TXNDC11: variants seen among roughly 807,000 people sequenced by gnomAD.
TXNDC11 encodes the protein thioredoxin domain containing 11.
A neutral mutation model predicts 78.0 loss-of-function variants in TXNDC11; 68 were observed. The ratio of observed to expected loss-of-function variants is 0.87; its 90% CI spans 0.72 to 1.07. TXNDC11 has a LOEUF of 1.07. Among genes scored for constraint, TXNDC11 ranks in the 50% least tolerant of loss-of-function variants. The pLI is 0.00. For synonymous variants in TXNDC11, 571 were observed against 495.2 expected (o/e 1.15, Z -2.03); for missense variants, 1,389 against 1,221.8 (o/e 1.14, Z -2.04).
chr16:11,679,241 C>T lies in TXNDC11; in HGVS notation c.2831G>A (p.Ser944Asn). The T allele has an allele frequency of 6.2e-7, 1 of 1,613,658 alleles. No individual in the cohort carries two copies. The highest frequency in any genetic ancestry group is 1.3e-5 in the African/African-American group (1 of 75,048). ...PGSSPPPANV[S>N]ATLVSERNKE... Reference sequence around the variant, plus strand: ...ATTCCTTTCAGACACCAGTGTGGCGCTGACATTGGCAGGTGGAGGGGAGCT... The same window carrying T: ...ATTCCTTTCAGACACCAGTGTGGCGTTGACATTGGCAGGTGGAGGGGAGCT... The change falls in exon 12 of 12, where the codon AGC becomes AAC. Residue 944 changes from serine to asparagine, a missense_variant. By Grantham distance (46) the Ser-to-Asn change is conservative. Coordinates refer to ENST00000283033, the MANE Select transcript of TXNDC11 (RefSeq NM_015914.7). The surrounding 1 kb of genome is among the most constrained non-coding windows in gnomAD (Gnocchi z 4.6).
rs144296098 is a variant in TXNDC11 at position 11,692,030 on chromosome 16, T to A, written c.1160A>T (p.Glu387Val). The A allele has an allele frequency of 9.0e-5, 139 of 1,552,778 alleles. No homozygotes were observed. In the African/African-American group the frequency reaches 1.7e-3, roughly 19 times the overall value. ...YNNCHGDQVV[E>V]RLLQHLRRVD... ...CCGCCGCAGGTGCTGAAGGAGACGC[T>A]CCACCACCTGGTCCCCATGACAGTT... The change falls in exon 8 of 12, where the codon GAG becomes GTG. Residue 387 changes from glutamate to valine, a missense_variant. By Grantham distance (121) the Glu-to-Val change is moderately radical. Coordinates refer to ENST00000283033, the MANE Select transcript of TXNDC11 (RefSeq NM_015914.7).
At chr16:11,686,579 T>A (rs963226719) in intron 10 of TXNDC11, among the ~76,000 whole-genome samples, 1 of 152,370 alleles carries the variant, frequency 6.6e-6, no homozygotes, top group Non-Finnish European at 1.5e-5. Context: ...ATTAGATACA[T>A]CTGACTGCAG....
intron 3 of TXNDC11, among the ~76,000 whole-genome samples, chr16:11,731,321 G>T (rs1484597035): frequency 1.3e-5 from 2 of 152,228 alleles, no homozygotes; most frequent in Non-Finnish European, 2.9e-5. Flanking sequence ...AACAAATTAT[G>T]TGAAGGTCTG....
intron 7 of TXNDC11, among the ~76,000 whole-genome samples, chr16:11,695,975 G>A (rs1324963088): frequency 2.0e-5 from 3 of 151,092 alleles, no homozygotes; most frequent in Admixed American, 1.3e-4. Context: ...GCAGTGAGCC[G>A]AGATCATGCC....
At chr16:11,725,101 G>C (rs1378437909) in intron 4 of TXNDC11, among the ~76,000 whole-genome samples, 1 of 152,064 alleles carries the variant, frequency 6.6e-6, no homozygotes, top group Non-Finnish European at 1.5e-5. Flanking sequence ...CTCCCTTTAT[G>C]GGATCTCCTG....
intron 5 of TXNDC11, among the ~76,000 whole-genome samples, chr16:11,709,094 T>C (rs1407405393): frequency 1.3e-5 from 2 of 152,132 alleles, no homozygotes; most frequent in Non-Finnish European, 2.9e-5. Context: ...TTACTTGCAT[T>C]TTCCCCCTAG....
At chr16:11,681,623 TC>T (rs1392300722) in intron 11 of TXNDC11, among the ~76,000 whole-genome samples, 4 of 151,996 alleles carry the variant, frequency 2.6e-5, no homozygotes, top group East Asian at 3.9e-4. Flanking sequence ...CTGTGATTCT[TC>T]CCCTGGGACA....
intron 4 of TXNDC11, among the ~76,000 whole-genome samples, chr16:11,722,811 A>G (rs2051749171): frequency 6.6e-6 from 1 of 152,244 alleles, no homozygotes; most frequent in South Asian, 2.1e-4. Flanking sequence ...TTTGGTGGAA[A>G]TTTGATCTGT....
chr16:11,702,152 A>G (rs1386640243), intron 5 of TXNDC11, among the ~76,000 whole-genome samples: 1 of 151,972 alleles, frequency 6.6e-6, no homozygotes, highest in Non-Finnish European at 1.5e-5. Flanking sequence ...AGAAATGTAT[A>G]AAGAATCTAA....
rs2050717277 is a variant in TXNDC11, at chr16:11,691,621, T to C, written c.1569A>G (p.Glu523=). The change falls in exon 8 of 12, where the codon GAA becomes GAG. Residue 523 remains glutamate (E), a synonymous_variant. Transcript: ENST00000283033. The stretch of plus-strand genomic sequence containing the variant: ...CAGTAGGGGCTTCAAAGACACCTTG[T>C]TCAGAGTCGATGAAGCCTGACACAC... The part of the protein sequence containing the change: ...SRGVSGFIDS[E]QGVFEAPTVA... 1 of 1,614,214 alleles carries C rather than the reference T, an allele frequency of 6.2e-7. No homozygotes were observed. The highest frequency in any genetic ancestry group is 1.7e-5 in the Admixed American group (1 of 60,028).
intron 10 of TXNDC11, among the ~76,000 whole-genome samples, chr16:11,686,406 A>G (rs976105494): frequency 2.6e-5 from 4 of 152,240 alleles, no homozygotes; most frequent in African/African-American, 9.6e-5. Flanking sequence ...TGGTGGATGT[A>G]AACAATGCTA....
intron 1 of TXNDC11, among the ~76,000 whole-genome samples, chr16:11,741,069 G>C (rs957899106): frequency 6.6e-6 from 1 of 152,100 alleles, no homozygotes; most frequent in Non-Finnish European, 1.5e-5. Flanking sequence ...CCACAACACA[G>C]AATTATCTGA....
chr16:11,698,440 G>A (rs561313330), intron 6 of TXNDC11, 115 bp from the exon 7 acceptor site: 8 of 847,798 alleles, frequency 9.4e-6, no homozygotes, highest in African/African-American at 6.8e-5. Flanking sequence ...CAGGCGTGGA[G>A]CGGGGCCTGG....
At chr16:11,688,791 C>CTAT (rs2050634455) in intron 8 of TXNDC11, among the ~76,000 whole-genome samples, 1 of 152,182 alleles carries the variant, frequency 6.6e-6, no homozygotes, top group Non-Finnish European at 1.5e-5. Context: ...AAATTTCACC[C>CTAT]TATAATACTA....
At position 11,691,414 on chromosome 16, in the gene TXNDC11, T is replaced by C; in HGVS notation, c.1776A>G (p.Leu592=). ...IYLLDSNLFW[L]YAERLGAPSS... is the part of the protein sequence containing the mutation. ...TCGGAGCACCCAGTCTCTCTGCATA[T>C]AACCAAAACAAATTTGAATCCAAAA... Residue 592 remains leucine, a synonymous_variant, in exon 8 of 12, where the codon TTA becomes TTG. Coordinates refer to ENST00000283033, the MANE Select transcript of TXNDC11 (RefSeq NM_015914.7). 4 of 1,614,210 alleles carry C rather than the reference T, an allele frequency of 2.5e-6. No individual in the cohort carries two copies. Among genetic ancestry groups the C allele is most frequent in the Non-Finnish European group, 3.4e-6 (4 of 1,180,026 alleles).
intron 4 of TXNDC11, among the ~76,000 whole-genome samples, chr16:11,723,159 G>A (rs755063036): frequency 6.6e-6 from 1 of 151,948 alleles, no homozygotes; most frequent in Non-Finnish European, 1.5e-5. Flanking sequence ...TCGGAAAGCT[G>A]AGGCAAGAGA....
intron 7 of TXNDC11, among the ~76,000 whole-genome samples, chr16:11,693,794 G>C (rs1382019054): frequency 6.6e-6 from 1 of 152,162 alleles, no homozygotes; most frequent in South Asian, 2.1e-4. Context: ...GTACTAACAA[G>C]GTCAAGCCTA....
chr16:11,742,579 C>T lies in TXNDC11; in HGVS notation c.152G>A (p.Gly51Glu), dbSNP rs1344031298. 2.7e-6 allele frequency: 4 copies of T among 1,458,402 alleles called. No homozygotes were observed. Among genetic ancestry groups the T allele is most frequent in the Non-Finnish European group, 2.7e-6 (3 of 1,111,480 alleles). 90.3% of individuals were successfully genotyped at this position (1,458,402 alleles called of 1,614,324 possible). The change falls in exon 1 of 12, where the codon GGG (glycine) becomes GAG (glutamate). Residue 51 changes from glycine (G) to glutamate (E), a missense_variant. Transcript: ENST00000283033. ...TASSAGRLRR[G>E]LRGAFLMARQ... ...CGCCATGAGGAAGGCGCCACGCAGC[C>T]CGCGACGGAGCCGGCCCGCCGAGGA...
chr16:11,722,558 T>C (rs1207354086), intron 4 of TXNDC11, among the ~76,000 whole-genome samples: 1 of 152,068 alleles, frequency 6.6e-6, no homozygotes, highest in Non-Finnish European at 1.5e-5. Flanking sequence ...TAAGCTCAAG[T>C]CTGAGATCTA....
Sources: gnomAD v4.1 joint callset for allele counts (sites outside exome capture counted in the v4.1 genomes callset) on GRCh38, gnomAD v4.1.1 for gene constraint, Gnocchi (gnomAD v3.1) non-coding constraint, MANE v1.5 for transcripts, NCBI Gene and HGNC (gene_info 2026-07-23, HGNC 2026-07-21) for gene names.